PHACTR3: variants seen among roughly 807,000 people sequenced by gnomAD.
The protein encoded by PHACTR3 is phosphatase and actin regulator 3.
A neutral mutation model predicts 66.8 loss-of-function variants in PHACTR3; 16 were observed. The observed-to-expected ratio is 0.24, with a 90% CI of 0.16 to 0.36. The LOEUF is 0.36. Among genes scored for constraint, PHACTR3 ranks in the 10% least tolerant of loss-of-function variants. PHACTR3 has a pLI of 1.00. For missense variants in PHACTR3, 647 were observed against 719.9 expected, an observed-to-expected ratio of 0.90 and a Z score of 1.16; for synonymous variants, 323 against 292.1, an observed-to-expected ratio of 1.11 and a Z score of -1.08.
intron 7 of PHACTR3, among the ~76,000 whole-genome samples, chr20:59,797,715 T>C (rs1199286290): frequency 6.6e-6 from 1 of 152,200 alleles, no homozygotes; most frequent in East Asian, 1.9e-4. Flanking sequence ...ACTTTTTCTA[T>C]GTACATTGAG....
chr20:59,765,271 T>C (rs1427754522), intron 4 of PHACTR3, among the ~76,000 whole-genome samples: 2 of 152,220 alleles, frequency 1.3e-5, no homozygotes, highest in Non-Finnish European at 2.9e-5. Flanking sequence ...CTTAAACCCT[T>C]TTTAACAAGT....
chr20:59,581,899 C>A lies in PHACTR3; in HGVS notation c.109+4282C>A, dbSNP rs530926215. On this transcript the variant is annotated intron_variant, in intron 1 of 12. Transcript: ENST00000359926. ...CCGTCTCAAAAAAAAAAAAAAAAGT[C>A]CTAGCCTGTAGTTGGGACTCCATAA... Among the ~76,000 whole-genome samples, 44 of 150,448 alleles carry A rather than the reference C, an allele frequency of 2.9e-4. 1 individual carries two copies. In the East Asian group the frequency reaches 8.2e-3, roughly 28 times the overall value.
chr20:59,679,831 G>T (rs112754747), intron 1 of PHACTR3, among the ~76,000 whole-genome samples: 2,576 of 152,216 alleles, frequency 0.017, 58 homozygotes, highest in Middle Eastern at 0.071. Flanking sequence ...AGAACAGTAT[G>T]GGGGAGACTG....
intron 7 of PHACTR3, among the ~76,000 whole-genome samples, chr20:59,803,173 A>G (rs1297182413): frequency 2.0e-5 from 3 of 152,220 alleles, no homozygotes; most frequent in African/African-American, 7.2e-5. Context: ...AGACTGTCAC[A>G]TGTCAAGACT....
At chr20:59,699,282 G>A (rs2037408514) in intron 1 of PHACTR3, among the ~76,000 whole-genome samples, 1 of 152,180 alleles carries the variant, frequency 6.6e-6, no homozygotes, top group Non-Finnish European at 1.5e-5. Context: ...ACATTTCCTA[G>A]ATTTGGGGCC....
At chr20:59,788,688 A>C (rs2040999966) in intron 7 of PHACTR3, among the ~76,000 whole-genome samples, 2 of 151,946 alleles carry the variant, frequency 1.3e-5, no homozygotes, top group Admixed American at 1.3e-4. Flanking sequence ...TCACATGTCC[A>C]TTTGTCCACT....
At chr20:59,603,064 G>T (rs1393037824), upstream of PHACTR3, among the ~76,000 whole-genome samples, 1 of 152,204 alleles carries the variant, frequency 6.6e-6, no homozygotes, top group African/African-American at 2.4e-5. Context: ...GTCCAAGGCT[G>T]GCAGGCCACT....
intron 1 of PHACTR3, among the ~76,000 whole-genome samples, chr20:59,582,398 G>A (rs1000088954): frequency 1.3e-5 from 2 of 152,316 alleles, no homozygotes; most frequent in Admixed American, 6.5e-5. Flanking sequence ...TGCTGCAGGG[G>A]ACAACCTGCG....
chr20:59,755,436 T>A, intron 4 of PHACTR3, 72 bp downstream of exon 4: 1 of 1,503,766 alleles, frequency 6.6e-7, no homozygotes, highest in African/African-American at 1.4e-5. Context: ...TGTCCTTGGC[T>A]ATAGCTTAGG....
At chr20:59,752,967 C>T (rs148974557) in intron 3 of PHACTR3, among the ~76,000 whole-genome samples, 3 of 152,186 alleles carry the variant, frequency 2.0e-5, no homozygotes, top group African/African-American at 4.8e-5. Flanking sequence ...AAGTCGGTCA[C>T]GAGAAGGGGC....
At chr20:59,624,581 C>T (rs1262563794) in intron 1 of PHACTR3, among the ~76,000 whole-genome samples, 2 of 152,156 alleles carry the variant, frequency 1.3e-5, no homozygotes, top group Non-Finnish European at 2.9e-5. Flanking sequence ...CTGCAGGAGA[C>T]ACCTCCTGGC....
At chr20:59,843,359 A>G (rs963272261) in intron 11 of PHACTR3, 1 of 152,160 alleles carries the variant, frequency 6.6e-6, no homozygotes, top group African/African-American at 2.4e-5. Context: ...CCTAAAATTC[A>G]TGTGAAACCC....
Position 59,723,230 on chromosome 20 carries a change from T to C in PHACTR3, c.119-19877T>C, listed in dbSNP as rs565745868. Among the ~76,000 whole-genome samples the C allele has an allele frequency of 1.1e-4, 16 of 152,170 alleles. No individual in the cohort carries two copies. The South Asian group carries it at 2.9e-3, about 28-fold the overall frequency. On this transcript the variant is annotated intron_variant, in intron 1 of 12. Transcript: ENST00000371015. ...TTTGTGCAACTGCACCACAGTCTAATTTTAAAACACTTTCATCATCCCAAG... is the reference window on the plus strand; with the variant it reads ...TTTGTGCAACTGCACCACAGTCTAACTTTAAAACACTTTCATCATCCCAAG...
In PHACTR3 at chr20:59,738,148, C is replaced by A. The variant is rs536461398; in HGVS notation, c.119-4959C>A. 6.6e-6 allele frequency among the ~76,000 whole-genome samples: 1 copy of A among 152,154 alleles called. No homozygotes were observed. Among genetic ancestry groups the A allele is most frequent in the South Asian group, 2.1e-4 (1 of 4,808 alleles). ...GCCACAGCAAGAAGGAGACACCATA[C>A]CCCCCAGCAAGGCCCTGGCAAAGGG... On this transcript the variant is annotated intron_variant, in intron 1 of 12. Coordinates refer to ENST00000371015, the MANE Select transcript of PHACTR3 (RefSeq NM_080672.5). This position sits in a 1 kb window ranked among gnomAD's most constrained non-coding sequence, Gnocchi z 4.4.
At chr20:59,776,594 C>A (rs913249979) in intron 7 of PHACTR3, among the ~76,000 whole-genome samples, 1 of 152,186 alleles carries the variant, frequency 6.6e-6, no homozygotes, top group Non-Finnish European at 1.5e-5. Flanking sequence ...TCCTTTAGGG[C>A]ATTGTTAGGC....
rs535639032 is a variant in PHACTR3 at position 59,673,516 on chromosome 20, G to A, written c.118+68384G>A. ...TCTCTTAGACCTGCTCACAGCCTGG[G>A]CTTCTGGGGCCCTGAATGTGGCCAG... On this transcript the variant is annotated intron_variant, in intron 1 of 12. Coordinates refer to ENST00000371015, the MANE Select transcript of PHACTR3 (RefSeq NM_080672.5). Among the ~76,000 whole-genome samples, 78 of 151,934 alleles carry A rather than the reference G, an allele frequency of 5.1e-4. 1 individual carries two copies. Among genetic ancestry groups the A allele is most frequent in the Non-Finnish European group, 9.4e-4 (64 of 67,962 alleles).
intron 1 of PHACTR3, among the ~76,000 whole-genome samples, chr20:59,735,294 A>G (rs1423268901): frequency 1.3e-5 from 2 of 152,150 alleles, no homozygotes; most frequent in Admixed American, 6.5e-5. Context: ...CAAAACTCAG[A>G]GCAGTCCTGA....
At chr20:59,794,089 A>C (rs2041181227) in intron 7 of PHACTR3, among the ~76,000 whole-genome samples, 1 of 133,660 alleles carries the variant, frequency 7.5e-6, no homozygotes, top group African/African-American at 2.9e-5. Context: ...GTGCCACTGC[A>C]CTCCAGCCTG....
chr20:59,790,077 CTT>C (rs1449999937), intron 7 of PHACTR3, among the ~76,000 whole-genome samples: 1 of 152,166 alleles, frequency 6.6e-6, no homozygotes, highest in Admixed American at 6.5e-5. Flanking sequence ...TCCAAAGCCT[CTT>C]TGCCTTATGT....
Sources: allele counts gnomAD v4.1 joint callset (sites outside exome capture counted in the v4.1 genomes callset), GRCh38; gene constraint gnomAD v4.1.1; non-coding constraint Gnocchi (gnomAD v3.1); transcripts MANE v1.5; gene names NCBI Gene and HGNC (gene_info 2026-07-23, HGNC 2026-07-21).